The following TRPV3 variants were observed in gnomAD, a reference collection of about 807,000 sequenced individuals.
The protein encoded by TRPV3 is transient receptor potential cation channel subfamily V member 3.
In TRPV3, 88 loss-of-function variants were observed where a neutral mutation model predicts 87.1. That is an observed-to-expected ratio of 1.01 (90% confidence interval 0.85 to 1.21). TRPV3 has a LOEUF of 1.21. Among genes scored for constraint, TRPV3 ranks in the 50% most tolerant of loss-of-function variants. The probability of loss-of-function intolerance (pLI) is 0.00; values close to 1 mark genes in which losing one functional copy is unlikely to be tolerated. For synonymous variants in TRPV3, 438 were observed against 423.3 expected (o/e 1.03, Z -0.43); for missense variants, 1,054 against 1,030.1 (o/e 1.02, Z -0.32).
chr17:3,541,460 C>T (rs893276133), intron 6 of TRPV3, among the ~76,000 whole-genome samples: 6 of 152,168 alleles, frequency 3.9e-5, no homozygotes, highest in Admixed American at 1.3e-4. Context: ...GCTTTTGCCA[C>T]GAGCACCTCA....
At chr17:3,544,550 AG>A in intron 4 of TRPV3, 28 bp downstream of exon 4, 1 of 1,459,374 alleles carries the variant, frequency 6.9e-7, no homozygotes, top group Non-Finnish European at 9.5e-7. Context: ...GGGTGGGCAC[AG>A]TGGGTGGAGG....
chr17:3,554,200 A>G (rs58354052), intron 2 of TRPV3: 40,082 of 152,756 alleles, frequency 0.26, 5,735 homozygotes, highest in East Asian at 0.45. Context: ...ACCGCGTGCC[A>G]GGCGCTGCAC....
At chr17:3,527,656 T>G in intron 11 of TRPV3, 4 of 277,148 alleles carry the variant, frequency 1.4e-5, no homozygotes, top group Non-Finnish European at 2.8e-5. Context: ...GATGGTTGGA[T>G]AAAGGATAGA....
At chr17:3,537,891 TTAAAAA>T (rs1454712564) in intron 6 of TRPV3, among the ~76,000 whole-genome samples, 5 of 69,758 alleles carry the variant, frequency 7.2e-5, no homozygotes, top group African/African-American at 1.0e-4. Flanking sequence ...CTCTGTCTTT[TTAAAAA>T]AAAAAAAAAA....
Position 3,528,962 on chromosome 17 carries a change from G to A in TRPV3, c.1276C>T (p.His426Tyr), listed in dbSNP as rs764955816. The change falls in exon 10 of 18, where the codon CAC becomes TAC. Residue 426 changes from histidine to tyrosine, a missense_variant. His to Tyr is a moderately conservative substitution (Grantham distance 83). Coordinates refer to ENST00000576742, the MANE Select transcript of TRPV3 (RefSeq NM_145068.4). The surrounding 1 kb of genome is among the most constrained non-coding windows in gnomAD (Gnocchi z 4.2). ...RHEMLTLEPL[H>Y]TLLHMKWKKF... ...TTCCACTTCATATGCAGCAGCGTGT[G>A]CAGCGGCTCCAGGGTCAGCATCTCA... The A allele has an allele frequency of 8.7e-6, 14 of 1,614,208 alleles. No individual in the cohort carries two copies. The South Asian group carries it at 1.5e-4, about 18-fold the overall frequency.
chr17:3,555,995 G>A (rs1211749135), intron 1 of TRPV3, among the ~76,000 whole-genome samples: 2 of 152,040 alleles, frequency 1.3e-5, no homozygotes, highest in African/African-American at 2.4e-5. Context: ...TGGGCAACAT[G>A]GTGAAACCCC....
intron 7 of TRPV3, among the ~76,000 whole-genome samples, chr17:3,533,552 G>A (rs1181445274): frequency 6.7e-6 from 1 of 148,602 alleles, no homozygotes; most frequent in Non-Finnish European, 1.5e-5. Flanking sequence ...AGGCTGGAGT[G>A]CAGTGGTGCG....
At position 3,549,008 on chromosome 17, in the gene TRPV3, A is replaced by C. The variant is rs111661346; in HGVS notation, c.120-3737T>G. On this transcript the variant is annotated intron_variant, in intron 2 of 17. Coordinates refer to ENST00000576742, the MANE Select transcript of TRPV3 (RefSeq NM_145068.4). ...GATTGCCACTTCCCTGCGGCCCTGC[A>C]GTGCCCCAGAACTTTTGCCCTAAAG... Among the ~76,000 whole-genome samples the C allele has an allele frequency of 7.6e-3, 1,151 of 152,270 alleles. 21 individuals are homozygous for C. The highest frequency in any genetic ancestry group is 0.026 in the African/African-American group (1,078 of 41,552).
In TRPV3 at chr17:3,542,625, G is replaced by A. The variant is rs137894635; in HGVS notation, c.540C>T (p.Asn180=). Residue 180 remains asparagine, a synonymous_variant, in exon 6 of 18, where the codon AAC becomes AAT. Coordinates refer to ENST00000576742, the MANE Select transcript of TRPV3 (RefSeq NM_145068.4). ...TCLMKALLNI[N]PNTKEIVRIL... ...TCCGCACTATCTCCTTGGTGTTGGG[G>A]TTGATGTTTAACAAGGCCTTCATCA... 1 of 1,614,032 alleles carries A rather than the reference G, an allele frequency of 6.2e-7. No individual in the cohort carries two copies. The highest frequency in any genetic ancestry group is 1.3e-5 in the African/African-American group (1 of 75,032).
rs1187670188 is a variant in TRPV3 at position 3,530,049 on chromosome 17, G to C, written c.1220C>G (p.Thr407Ser). The change falls in exon 9 of 18, where the codon ACT becomes AGT. Residue 407 changes from threonine (T) to serine (S), a missense_variant. Thr to Ser is a moderately conservative substitution (Grantham distance 58). Coordinates refer to ENST00000576742, the MANE Select transcript of TRPV3 (RefSeq NM_145068.4). The surrounding 1 kb of genome is among the most constrained non-coding windows in gnomAD (Gnocchi z 4.0). Reference sequence around the variant, plus strand: ...CACGTCGATGTTGGTGTTGTAGACAGTGATTTCCAGCACTGAGTTGTCCGT... The same window carrying C: ...CACGTCGATGTTGGTGTTGTAGACACTGATTTCCAGCACTGAGTTGTCCGT... ...TTTDNSVLEITVYNTNIDNRH... is the reference protein window; with the variant it reads ...TTTDNSVLEISVYNTNIDNRH... 6.2e-7 allele frequency: 1 copy of C among 1,613,808 alleles called. No homozygotes were observed. Among genetic ancestry groups the C allele is most frequent in the South Asian group, 1.1e-5 (1 of 90,928 alleles).
At position 3,535,662 on chromosome 17, in the gene TRPV3, G is replaced by A; in HGVS notation, c.695C>T (p.Ala232Val). The A allele has an allele frequency of 1.2e-6, 2 of 1,602,386 alleles. No homozygotes were observed. Among genetic ancestry groups the A allele is most frequent in the Non-Finnish European group, 1.7e-6 (2 of 1,175,944 alleles). Residue 232 changes from alanine to valine, a missense_variant, in exon 7 of 18, where the codon GCC becomes GTC. Physicochemically the swap from Ala to Val is moderately conservative, Grantham distance 64 (BLOSUM62 0). Coordinates refer to ENST00000576742, the MANE Select transcript of TRPV3 (RefSeq NM_145068.4). ...AIERRQGDIA[A>V]LLIAAGADVN... ...GTCGGCGCCGGCGGCGATGAGCAGGGCTGCGATGTCCCCCTGCCGCCGCTC... is the reference window on the plus strand; with the variant it reads ...GTCGGCGCCGGCGGCGATGAGCAGGACTGCGATGTCCCCCTGCCGCCGCTC...
At position 3,542,447 on chromosome 17, in the gene TRPV3, C is replaced by A; in HGVS notation, c.643+75G>T. The A allele has an allele frequency of 2.6e-6, 4 of 1,530,818 alleles. No individual in the cohort carries two copies. In the South Asian group the frequency reaches 5.2e-5, roughly 20 times the overall value. The allele number at this position is 1,530,818 out of a possible 1,614,324, so 94.8% of individuals were successfully genotyped here. A position where few individuals can be genotyped will look rare whatever the true frequency, so the allele number is the denominator to read the frequency against. On this transcript the variant is annotated intron_variant, in intron 6 of 17. Coordinates refer to ENST00000576742, the MANE Select transcript of TRPV3 (RefSeq NM_145068.4). ...GCAGCAGTGCCTCCACGTGGCCTGG[C>A]CAGCAGTGGCCCTGTGGCCCCATAC...
At position 3,513,833 on chromosome 17, in the gene TRPV3, C is replaced by G; in HGVS notation, c.*84G>C. 8.3e-7 allele frequency: 1 copy of G among 1,199,246 alleles called. No homozygotes were observed. The highest frequency in any genetic ancestry group is 1.2e-6 in the Non-Finnish European group (1 of 820,194). 74.3% of individuals were successfully genotyped at this position (1,199,246 alleles called of 1,614,324 possible). ...GGCCAGCAGAGCCGGACTCCACCAT[C>G]CCTCAAAGCCTCTCTGCACAGAGTC... On this transcript the variant is annotated 3_prime_UTR_variant, in exon 18 of 18. Coordinates refer to ENST00000576742, the MANE Select transcript of TRPV3 (RefSeq NM_145068.4).
At chr17:3,531,306 C>T (rs1952928710) in intron 8 of TRPV3, among the ~76,000 whole-genome samples, 3 of 152,164 alleles carry the variant, frequency 2.0e-5, no homozygotes, top group Admixed American at 2.0e-4. Flanking sequence ...GAGGAAGGGA[C>T]TGTTGGGAAG....
At chr17:3,541,658 A>C (rs67181859) in intron 6 of TRPV3, among the ~76,000 whole-genome samples, 23,554 of 152,150 alleles carry the variant, frequency 0.15, 2,404 homozygotes, top group East Asian at 0.4. Flanking sequence ...GATGATGATG[A>C]TGATGACAAC....
At chr17:3,516,962 A>G (rs2074188860) in intron 15 of TRPV3, among the ~76,000 whole-genome samples, 1 of 151,954 alleles carries the variant, frequency 6.6e-6, no homozygotes, top group South Asian at 2.1e-4. Context: ...CCTGGCCAAC[A>G]TGGCAAAAGC....
chr17:3,555,609 G>A lies in TRPV3; in HGVS notation c.-2-757C>T, dbSNP rs372781555. On this transcript the variant is annotated intron_variant, in intron 1 of 17. Transcript: ENST00000576742. ...CCCAGTCCAGACCTGCTTTACTGAT[G>A]CTCAATGTGGGCTGGGCACCGTGCT... Among the ~76,000 whole-genome samples, 4 of 152,294 alleles carry A rather than the reference G, an allele frequency of 2.6e-5. 1 individual carries two copies. Among genetic ancestry groups the A allele is most frequent in the East Asian group, 3.9e-4 (2 of 5,178 alleles).
chr17:3,536,913 G>C (rs2074413908), intron 6 of TRPV3, among the ~76,000 whole-genome samples: 1 of 152,164 alleles, frequency 6.6e-6, no homozygotes. Flanking sequence ...AGAAACAGCA[G>C]TTTCCAAAGA....
rs1389512476 is a variant in TRPV3, at chr17:3,518,039, G to A, written c.2085+537C>T. ...TCACCATGTTGGCCAAGCTGGGCTC[G>A]AACTCTTGACCTCAGGTGATCCACC... On this transcript the variant is annotated intron_variant, in intron 15 of 17. Coordinates refer to ENST00000576742, the MANE Select transcript of TRPV3 (RefSeq NM_145068.4). The surrounding 1 kb of genome is among the most constrained non-coding windows in gnomAD (Gnocchi z 4.3). Among the ~76,000 whole-genome samples the A allele has an allele frequency of 7.2e-5, 11 of 152,010 alleles. No individual in the cohort carries two copies. The highest frequency in any genetic ancestry group is 3.9e-4 in the East Asian group (2 of 5,156).
Sources: gnomAD v4.1 joint callset for allele counts (sites outside exome capture counted in the v4.1 genomes callset) on GRCh38, gnomAD v4.1.1 for gene constraint, Gnocchi (gnomAD v3.1) non-coding constraint, MANE v1.5 for transcripts, NCBI Gene and HGNC (gene_info 2026-07-23, HGNC 2026-07-21) for gene names.